ATAD2B: variants seen among roughly 807,000 people sequenced by gnomAD.
The protein encoded by ATAD2B is ATPase family AAA domain-containing protein 2B.
A neutral mutation model predicts 167.6 loss-of-function variants in ATAD2B; 40 were observed. That is an observed-to-expected ratio of 0.24 (90% CI 0.19 to 0.31). The LOEUF (loss-of-function observed/expected upper bound fraction) is 0.31, where lower values mean the gene tolerates loss of function less well. ATAD2B is among the 10% of genes least tolerant of loss of function. ATAD2B has a pLI of 1.00. For synonymous variants in ATAD2B, 579 were observed against 596.5 expected (o/e 0.97, Z 0.43); for missense variants, 1,242 against 1,757.2 (o/e 0.71, Z 5.24).
At chr2:23,827,310 T>C (rs1688405280) in intron 15 of ATAD2B, among the ~76,000 whole-genome samples, 1 of 152,080 alleles carries the variant, frequency 6.6e-6, no homozygotes, top group Non-Finnish European at 1.5e-5. Flanking sequence ...CTTAAGAAAC[T>C]GCCTAAAAGC....
At chr2:23,855,560 T>A (rs1693258602) in intron 13 of ATAD2B, among the ~76,000 whole-genome samples, 1 of 152,074 alleles carries the variant, frequency 6.6e-6, no homozygotes, top group African/African-American at 2.4e-5. Context: ...AAACACACAT[T>A]TACCATAGGC....
downstream of ATAD2B, among the ~76,000 whole-genome samples, chr2:23,745,169 C>T (rs1411876167): frequency 6.6e-6 from 1 of 151,986 alleles, no homozygotes; most frequent in Admixed American, 6.6e-5. Flanking sequence ...TGCCTCTAAT[C>T]CCAGCTACCC....
At chr2:23,857,365 A>T in intron 13 of ATAD2B, 50 bp downstream of exon 13, 1 of 1,038,706 alleles carries the variant, frequency 9.6e-7, no homozygotes, top group Non-Finnish European at 1.4e-6. Context: ...GCTAACTACC[A>T]AGTCAATGCG....
At position 23,926,871 on chromosome 2, in the gene ATAD2B, TGA is replaced by T. The variant is rs1704956700; in HGVS notation, c.-103_-102del. 2.2e-6 allele frequency: 3 copies of T among 1,374,702 alleles called. No homozygotes were observed. In the South Asian group the frequency reaches 4.6e-5, roughly 21 times the overall value. 85.2% of individuals were successfully genotyped at this position (1,374,702 alleles called of 1,614,324 possible). A position where few individuals can be genotyped will look rare whatever the true frequency, so the allele number is the denominator to read the frequency against. On this transcript the variant is annotated 5_prime_UTR_variant, in exon 1 of 28. Coordinates refer to ENST00000238789, the MANE Select transcript of ATAD2B (RefSeq NM_017552.4). ...GGGCCAGCGGAGCCGAGCCGGGCAATGAGAGACGAGCCGGCCCGGAGCGTGCG... is the reference window on the plus strand; with the variant it reads ...GGGCCAGCGGAGCCGAGCCGGGCAATGAGACGAGCCGGCCCGGAGCGTGCG...
intron 1 of ATAD2B, among the ~76,000 whole-genome samples, chr2:23,909,945 C>T (rs1475691933): frequency 6.6e-6 from 1 of 151,520 alleles, no homozygotes; most frequent in East Asian, 1.9e-4. Context: ...TCACTACAGC[C>T]TCAAACTCCT....
At chr2:23,844,001 T>C (rs527661492) in intron 13 of ATAD2B, among the ~76,000 whole-genome samples, 1 of 152,220 alleles carries the variant, frequency 6.6e-6, no homozygotes. Context: ...TGCAGTGGCG[T>C]CATCTCAGCT....
At chr2:23,777,111 G>T (rs1679263206) in intron 22 of ATAD2B, among the ~76,000 whole-genome samples, 1 of 152,060 alleles carries the variant, frequency 6.6e-6, no homozygotes, top group Non-Finnish European at 1.5e-5. Flanking sequence ...TAGGGAAAAG[G>T]CCATGTGAGG....
At chr2:23,889,126 G>A (rs1357009934) in intron 2 of ATAD2B, among the ~76,000 whole-genome samples, 1 of 152,132 alleles carries the variant, frequency 6.6e-6, no homozygotes, top group African/African-American at 2.4e-5. Context: ...TAAAAAACTA[G>A]GGAAAGGACA....
intron 1 of ATAD2B, chr2:23,901,163 C>T (rs952648550): frequency 5.6e-5 from 9 of 160,370 alleles, no homozygotes; most frequent in Admixed American, 4.8e-4. Flanking sequence ...TGTCTACGTA[C>T]TCAAGTAATA....
chr2:23,743,293 G>A, the ATAD2B span, among the ~76,000 whole-genome samples: 15 of 152,262 alleles, frequency 9.9e-5, no homozygotes, highest in East Asian at 7.7e-4. Context: ...GGGGCCAGGC[G>A]CAGTAGCTCA....
chr2:23,883,159 G>A (rs894358969), intron 6 of ATAD2B, among the ~76,000 whole-genome samples: 1 of 151,358 alleles, frequency 6.6e-6, no homozygotes, highest in Non-Finnish European at 1.5e-5. Context: ...ATGTGCTTAT[G>A]GTCCCAGCTA....
rs781054725 is a variant in ATAD2B, at chr2:23,884,841, C to T, written c.708G>A (p.Arg236=). 1.8e-5 allele frequency: 29 copies of T among 1,593,284 alleles called. No homozygotes were observed. The East Asian group carries it at 2.7e-4, about 15-fold the overall frequency. ...TATTTCTTCTTAGTGACTTTCTTCG[C>T]CTTTTCACTCTTGAATACATATCCA... ...ENMDMYSRVK[R]RRKSLRRNSY... Residue 236 remains arginine, a synonymous_variant, in exon 6 of 28, where the codon AGG becomes AGA. Transcript: ENST00000238789.
At chr2:23,860,450 C>G (rs1374633199) in intron 12 of ATAD2B, among the ~76,000 whole-genome samples, 1 of 152,128 alleles carries the variant, frequency 6.6e-6, no homozygotes, top group Non-Finnish European at 1.5e-5. Flanking sequence ...ATTTTTCTCA[C>G]TTAAGTATTA....
chr2:23,769,377 T>C (rs1403073943), intron 22 of ATAD2B, among the ~76,000 whole-genome samples: 1 of 151,718 alleles, frequency 6.6e-6, no homozygotes, highest in South Asian at 2.1e-4. Flanking sequence ...GAGGCAGAGG[T>C]TGCAGTGAGC....
intron 24 of ATAD2B, among the ~76,000 whole-genome samples, chr2:23,758,337 T>C (rs1676202133): frequency 1.3e-5 from 2 of 152,062 alleles, no homozygotes; most frequent in African/African-American, 4.8e-5. Flanking sequence ...CCTGTATGAG[T>C]TTATTCAGCA....
chr2:23,740,826 C>G, the ATAD2B span, among the ~76,000 whole-genome samples: 1 of 152,300 alleles, frequency 6.6e-6, no homozygotes, highest in Middle Eastern at 3.4e-3. Flanking sequence ...CCCAAATCTC[C>G]TCAAGCTGAT....
At chr2:23,691,486 C>T in the ATAD2B span, 6 of 600,518 alleles carry the variant, frequency 1.0e-5, no homozygotes, top group Admixed American at 2.9e-5. Flanking sequence ...TTCTTTTGGG[C>T]GTCTCTGGTC....
chr2:23,776,517 C>T (rs1337207592), intron 22 of ATAD2B, among the ~76,000 whole-genome samples: 3 of 152,206 alleles, frequency 2.0e-5, no homozygotes, highest in Non-Finnish European at 4.4e-5. Context: ...GCTCAATAAA[C>T]GTTGAGTCAG....
the ATAD2B span, among the ~76,000 whole-genome samples, chr2:23,742,158 G>A: frequency 6.6e-6 from 1 of 152,128 alleles, no homozygotes; most frequent in Non-Finnish European, 1.5e-5. Flanking sequence ...ATTCCTCAGG[G>A]ACCTAGAACT....
Sources: allele counts gnomAD v4.1 joint callset (sites outside exome capture counted in the v4.1 genomes callset), GRCh38; gene constraint gnomAD v4.1.1; transcripts MANE v1.5; gene names NCBI Gene and HGNC (gene_info 2026-07-23, HGNC 2026-07-21).